ZHX3: variants seen among roughly 807,000 people sequenced by gnomAD.
ZHX3 encodes the protein zinc fingers and homeoboxes 3.
In ZHX3, 20 loss-of-function variants were observed where a neutral mutation model predicts 64.5. The observed-to-expected ratio is 0.31, with a 90% CI of 0.22 to 0.45. The LOEUF is 0.45. ZHX3 is among the 20% of genes least tolerant of loss of function. The pLI is 1.00. For missense variants in ZHX3, 1,041 were observed against 1,195.8 expected (o/e 0.87, Z 1.91); for synonymous variants, 423 against 461.6 (o/e 0.92, Z 1.07).
intron 1 of ZHX3, among the ~76,000 whole-genome samples, chr20:41,299,175 T>G (rs2044687497): frequency 6.6e-6 from 1 of 152,216 alleles, no homozygotes; most frequent in South Asian, 2.1e-4. Flanking sequence ...CAGCTCAAAT[T>G]TAGTCTGCTA....
At chr20:41,268,371 T>A (rs1403349622) in intron 2 of ZHX3, among the ~76,000 whole-genome samples, 1 of 150,310 alleles carries the variant, frequency 6.7e-6, no homozygotes, top group Non-Finnish European at 1.5e-5. Flanking sequence ...GATTGTTTGC[T>A]AGTGTGCTTT....
At position 41,185,250 on chromosome 20, in the gene ZHX3, G is replaced by GC. The variant is rs201510231; in HGVS notation, c.2861-50dup. 4.8e-3 allele frequency: 7,411 copies of GC among 1,559,988 alleles called. 89 individuals are homozygous for GC. Among genetic ancestry groups the GC allele is most frequent in the East Asian group, 0.033 (1,481 of 44,252 alleles). On this transcript the variant is annotated intron_variant, in intron 3 of 3. Transcript: ENST00000683867. The surrounding 1 kb of genome is among the most constrained non-coding windows in gnomAD (Gnocchi z 5.0). ...CACTCTACGGCAGCTGCCACCACCT[G>GC]CCCCCCAGGCAGCCTGGTCCTTGCT...
intron 1 of ZHX3, among the ~76,000 whole-genome samples, chr20:41,284,624 C>T (rs1297549027): frequency 6.6e-6 from 1 of 152,248 alleles, no homozygotes; most frequent in Admixed American, 6.6e-5. Flanking sequence ...TCATCAAGAC[C>T]CCAGCCTTGA....
intron 1 of ZHX3, among the ~76,000 whole-genome samples, chr20:41,315,786 G>A (rs1046425868): frequency 5.9e-5 from 9 of 151,998 alleles, no homozygotes; most frequent in African/African-American, 1.4e-4. Flanking sequence ...GAAAAAACAC[G>A]TATACATGGG....
chr20:41,185,970 C>T lies in ZHX3; in HGVS notation c.2861-769G>A, dbSNP rs1274744015. ...CATTCAAATCCACTCATCACATTTC[C>T]ATGTTGACTTTAAGAAAAAAACCAT... is the stretch of plus-strand genomic sequence containing the variant. On this transcript the variant is annotated intron_variant, in intron 3 of 3. Coordinates refer to ENST00000683867, the MANE Select transcript of ZHX3 (RefSeq NM_001384317.1). This position sits in a 1 kb window ranked among gnomAD's most constrained non-coding sequence, Gnocchi z 5.0. 6.6e-6 allele frequency among the ~76,000 whole-genome samples: 1 copy of T among 152,190 alleles called. No homozygotes were observed. The highest frequency in any genetic ancestry group is 1.5e-5 in the Non-Finnish European group (1 of 68,032).
At chr20:41,239,995 G>A (rs2041272111) in intron 2 of ZHX3, among the ~76,000 whole-genome samples, 1 of 151,916 alleles carries the variant, frequency 6.6e-6, no homozygotes, top group African/African-American at 2.4e-5. Context: ...CACTCAATAG[G>A]CCATTCCTTT....
At chr20:41,205,760 T>G (rs978749181) in intron 2 of ZHX3, among the ~76,000 whole-genome samples, 7 of 152,168 alleles carry the variant, frequency 4.6e-5, no homozygotes, top group African/African-American at 1.7e-4. Context: ...CAGAACCAGT[T>G]TGTGGCCCAG....
At chr20:41,277,192 G>C (rs539794258) in intron 1 of ZHX3, among the ~76,000 whole-genome samples, 1 of 152,344 alleles carries the variant, frequency 6.6e-6, no homozygotes, top group Non-Finnish European at 1.5e-5. Context: ...TACCAGGCAA[G>C]GTGGGGTGTA....
At chr20:41,316,942 T>A (rs1322650057) in intron 1 of ZHX3, 1 of 152,308 alleles carries the variant, frequency 6.6e-6, no homozygotes, top group Non-Finnish European at 1.5e-5. Context: ...AGATTCAGGG[T>A]GCTACTGTAC....
chr20:41,312,960 C>A (rs988152693), intron 1 of ZHX3, among the ~76,000 whole-genome samples: 3 of 151,956 alleles, frequency 2.0e-5, no homozygotes. Flanking sequence ...AGCTGGGAGA[C>A]CAACCAGGAG....
chr20:41,199,281 G>A (rs1394426845), intron 3 of ZHX3, among the ~76,000 whole-genome samples: 1 of 152,086 alleles, frequency 6.6e-6, no homozygotes, highest in Non-Finnish European at 1.5e-5. Context: ...AATGGACCAT[G>A]GTTTTCTATT....
intron 1 of ZHX3, among the ~76,000 whole-genome samples, chr20:41,307,665 A>G (rs2045018704): frequency 6.6e-6 from 1 of 152,242 alleles, no homozygotes; most frequent in African/African-American, 2.4e-5. Context: ...TCTTGCTAAA[A>G]TAAATGATGC....
Position 41,219,151 on chromosome 20 carries a change from G to A in ZHX3, c.-150-14085C>T, listed in dbSNP as rs1475984105. Among the ~76,000 whole-genome samples, 7 of 151,026 alleles carry A rather than the reference G, an allele frequency of 4.6e-5. No homozygotes were observed. Among genetic ancestry groups the A allele is most frequent in the Non-Finnish European group, 7.4e-5 (5 of 67,668 alleles). On this transcript the variant is annotated intron_variant, in intron 2 of 3. Transcript: ENST00000683867. This position sits in a 1 kb window ranked among gnomAD's most constrained non-coding sequence, Gnocchi z 5.0. ...TCACCGTGTTAGCGAGCATGGTCTCGATCTCCTGACCTCGTGATCCACACG... is the reference window on the plus strand; with the variant it reads ...TCACCGTGTTAGCGAGCATGGTCTCAATCTCCTGACCTCGTGATCCACACG...
Position 41,180,099 on chromosome 20 carries a change from G to A in ZHX3, c.*5092C>T, listed in dbSNP as rs1450280692. The A allele has an allele frequency of 6.5e-6, 1 of 152,740 alleles. No individual in the cohort carries two copies. Among genetic ancestry groups the A allele is most frequent in the African/African-American group, 2.4e-5 (1 of 41,476 alleles). 9.5% of individuals were successfully genotyped at this position (152,740 alleles called of 1,614,324 possible). A position where few individuals can be genotyped will look rare whatever the true frequency, so the allele number is the denominator to read the frequency against. Reference sequence around the variant, plus strand: ...CTGAAGGAAGAGGCACTAATGGCAGGTAAATGCTCAGGCTCCTCTCAGTAC... The same window carrying A: ...CTGAAGGAAGAGGCACTAATGGCAGATAAATGCTCAGGCTCCTCTCAGTAC... On this transcript the variant is annotated 3_prime_UTR_variant, in exon 4 of 4. Coordinates refer to ENST00000683867, the MANE Select transcript of ZHX3 (RefSeq NM_001384317.1).
At chr20:41,309,943 G>C (rs978017389) in intron 1 of ZHX3, among the ~76,000 whole-genome samples, 2 of 152,062 alleles carry the variant, frequency 1.3e-5, no homozygotes, top group African/African-American at 4.8e-5. Context: ...GTAATTAATT[G>C]CTCCAACTCT....
chr20:41,209,955 G>C (rs2146276571), intron 2 of ZHX3, among the ~76,000 whole-genome samples: 1 of 152,228 alleles, frequency 6.6e-6, no homozygotes, highest in South Asian at 2.1e-4. Flanking sequence ...ATCTGACAAA[G>C]GGCTAATATC....
intron 2 of ZHX3, among the ~76,000 whole-genome samples, chr20:41,217,522 C>T (rs114964364): frequency 3.1e-3 from 467 of 152,234 alleles, no homozygotes; most frequent in African/African-American, 0.011. Flanking sequence ...TCTCTCTTCC[C>T]TTCCTTTGGA....
At chr20:41,263,951 CAT>C (rs2042694352) in intron 2 of ZHX3, among the ~76,000 whole-genome samples, 1 of 151,798 alleles carries the variant, frequency 6.6e-6, no homozygotes, top group Admixed American at 6.6e-5. Context: ...AAAAAGGAAA[CAT>C]AAAATTGGAA....
rs1252318372 is a variant in ZHX3 at position 41,232,128 on chromosome 20, T to C, written c.-150-27062A>G. ...AGGGTTGGAAAATGAGATTTATGGG[T>C]AATGGCCACAGAAACGAAGACAATT... is the stretch of plus-strand genomic sequence containing the variant. On this transcript the variant is annotated intron_variant, in intron 2 of 3. Coordinates refer to ENST00000683867, the MANE Select transcript of ZHX3 (RefSeq NM_001384317.1). The surrounding 1 kb of genome is among the most constrained non-coding windows in gnomAD (Gnocchi z 5.0). 6.6e-6 allele frequency among the ~76,000 whole-genome samples: 1 copy of C among 151,862 alleles called. No homozygotes were observed. Among genetic ancestry groups the C allele is most frequent in the Admixed American group, 6.6e-5 (1 of 15,254 alleles).
Sources: allele counts gnomAD v4.1 joint callset (sites outside exome capture counted in the v4.1 genomes callset), GRCh38; gene constraint gnomAD v4.1.1; non-coding constraint Gnocchi (gnomAD v3.1); transcripts MANE v1.5; gene names NCBI Gene and HGNC (gene_info 2026-07-23, HGNC 2026-07-21).